The following DLG2 variants were observed in gnomAD, a reference collection of about 807,000 sequenced individuals.
The protein encoded by DLG2 is disks large homolog 2.
A neutral mutation model predicts 132.5 loss-of-function variants in DLG2; 45 were observed. The observed-to-expected ratio is 0.34, with a 90% confidence interval of 0.27 to 0.44. The LOEUF is 0.44. Among genes scored for constraint, DLG2 ranks in the 20% least tolerant of loss-of-function variants. The pLI is 1.00. For missense variants in DLG2, 1,045 were observed against 1,196.9 expected, an observed-to-expected ratio of 0.87 and a Z score of 1.87; for synonymous variants, 424 against 419.6, an observed-to-expected ratio of 1.01 and a Z score of -0.13.
chr11:84,626,686 T>C (rs1386866325), intron 6 of DLG2, among the ~76,000 whole-genome samples: 3 of 152,034 alleles, frequency 2.0e-5, no homozygotes, highest in Admixed American at 1.3e-4. Flanking sequence ...CAAAGTTAGC[T>C]CTGCACTAGC....
chr11:83,908,307 CT>C (rs925494811), intron 15 of DLG2, among the ~76,000 whole-genome samples: 145 of 149,684 alleles, frequency 9.7e-4, no homozygotes, highest in Non-Finnish European at 1.7e-3. Context: ...ATTTCACCTT[CT>C]TTTTTTTTTC....
intron 3 of DLG2, among the ~76,000 whole-genome samples, chr11:85,301,107 A>T (rs2079558977): frequency 6.6e-6 from 1 of 152,044 alleles, no homozygotes; most frequent in African/African-American, 2.4e-5. Context: ...AGGCTAAGGT[A>T]GGAGACTTGC....
chr11:83,522,335 C>CA (rs11401797), intron 21 of DLG2, among the ~76,000 whole-genome samples: 150,343 of 152,198 alleles, frequency 0.99, 74,258 homozygotes, highest in Middle Eastern at 1. Context: ...TGGTGTGTAC[C>CA]AAAAGAAAGT....
chr11:84,650,871 G>GTATATATATATA (rs1398321637), intron 6 of DLG2, among the ~76,000 whole-genome samples: 4 of 124,650 alleles, frequency 3.2e-5, no homozygotes, highest in African/African-American at 1.1e-4. Flanking sequence ...GTGTGTGTGT[G>GTATATATATATA]TGTATATATA....
chr11:84,983,424 A>T (rs11823066), intron 6 of DLG2, among the ~76,000 whole-genome samples: 2,078 of 152,248 alleles, frequency 0.014, 47 homozygotes, highest in African/African-American at 0.046. Context: ...AGGAAGCCAC[A>T]TCCTAGGAAA....
chr11:85,219,571 G>T (rs1174085888), intron 4 of DLG2, among the ~76,000 whole-genome samples: 1 of 151,672 alleles, frequency 6.6e-6, no homozygotes. Flanking sequence ...GCTTCTGGTG[G>T]TTGCTAACAA....
At chr11:84,939,722 G>C (rs1344308207) in intron 6 of DLG2, among the ~76,000 whole-genome samples, 1 of 152,090 alleles carries the variant, frequency 6.6e-6, no homozygotes, top group Non-Finnish European at 1.5e-5. Context: ...ATGTTCTCCA[G>C]TTCTATCCAT....
chr11:83,730,313 T>C (rs1411417430), intron 18 of DLG2, among the ~76,000 whole-genome samples: 1 of 152,148 alleles, frequency 6.6e-6, no homozygotes, highest in African/African-American at 2.4e-5. Context: ...CCTTGTAAAT[T>C]ACTTAACCAT....
intron 6 of DLG2, among the ~76,000 whole-genome samples, chr11:84,650,870 T>C (rs1241380158): frequency 1.2e-5 from 1 of 83,382 alleles, no homozygotes; most frequent in African/African-American, 5.9e-5. Flanking sequence ...TGTGTGTGTG[T>C]GTGTATATAT....
chr11:84,508,230 A>T (rs1201712389), intron 7 of DLG2, among the ~76,000 whole-genome samples: 1 of 152,092 alleles, frequency 6.6e-6, no homozygotes, highest in East Asian at 1.9e-4. Flanking sequence ...TGTCTTCTTC[A>T]TATGCCACAC....
chr11:83,684,402 T>C lies in DLG2; in HGVS notation c.1826-51077A>G, dbSNP rs948694228. 13 of 152,192 alleles carry C rather than the reference T, an allele frequency of 8.5e-5. 1 individual carries two copies. Among genetic ancestry groups the C allele is most frequent in the African/African-American group, 2.2e-4 (9 of 41,464 alleles). 9.4% of individuals were successfully genotyped at this position (152,192 alleles called of 1,614,324 possible). A position where few individuals can be genotyped will look rare whatever the true frequency, so the allele number is the denominator to read the frequency against. ...TCCATGTTTCCAGAGAATAACTCTG[T>C]GGCCAACTTAATTTGCTCACATACA... On this transcript the variant is annotated intron_variant, in intron 18 of 27. Coordinates refer to ENST00000376104, the MANE Select transcript of DLG2 (RefSeq NM_001142699.3).
chr11:84,899,499 C>T (rs919479796), intron 6 of DLG2, among the ~76,000 whole-genome samples: 6 of 152,060 alleles, frequency 3.9e-5, no homozygotes, highest in African/African-American at 1.4e-4. Context: ...ATGTTGGTAA[C>T]ATCCAAAAAC....
intron 14 of DLG2, among the ~76,000 whole-genome samples, chr11:83,949,927 C>T (rs865983495): frequency 6.6e-6 from 1 of 152,126 alleles, no homozygotes; most frequent in South Asian, 2.1e-4. Flanking sequence ...GGATTAATCA[C>T]CATAAGTTTT....
At chr11:83,505,723 A>C (rs1413524849) in intron 21 of DLG2, among the ~76,000 whole-genome samples, 1 of 152,246 alleles carries the variant, frequency 6.6e-6, no homozygotes, top group Non-Finnish European at 1.5e-5. Flanking sequence ...TGCAAAGCGC[A>C]AAACCAGGTG....
In DLG2 at chr11:83,734,402, TCC is replaced by T. The variant is rs1359601679; in HGVS notation, c.1825+52286_1825+52287del. 4.9e-5 allele frequency among the ~76,000 whole-genome samples: 7 copies of T among 143,542 alleles called. 1 individual carries two copies. The highest frequency in any genetic ancestry group is 1.4e-4 in the Admixed American group (2 of 14,272). 94.2% of individuals were successfully genotyped at this position (143,542 alleles called of 152,430 possible). Reference sequence around the variant, plus strand: ...TTCCTTCCTTCCTTCCTTCCTTCCTTCCTTCCCTCCCTCCTTCCCTCCCTCCT... The same window carrying T: ...TTCCTTCCTTCCTTCCTTCCTTCCTTTTCCCTCCCTCCTTCCCTCCCTCCT... On this transcript the variant is annotated intron_variant, in intron 18 of 27. Coordinates refer to ENST00000376104, the MANE Select transcript of DLG2 (RefSeq NM_001142699.3).
chr11:83,700,361 A>T (rs999197855), intron 18 of DLG2, among the ~76,000 whole-genome samples: 2 of 152,144 alleles, frequency 1.3e-5, no homozygotes, highest in Non-Finnish European at 2.9e-5. Flanking sequence ...TGGGGCTTTC[A>T]TTGAGACTTA....
intron 6 of DLG2, among the ~76,000 whole-genome samples, chr11:84,763,570 C>T (rs946757739): frequency 6.6e-6 from 1 of 152,098 alleles, no homozygotes; most frequent in Non-Finnish European, 1.5e-5. Flanking sequence ...GCATCTTCTC[C>T]TAGACACAGT....
At chr11:84,990,385 G>GC (rs1442064410) in intron 6 of DLG2, among the ~76,000 whole-genome samples, 3 of 152,134 alleles carry the variant, frequency 2.0e-5, no homozygotes, top group Admixed American at 6.5e-5. Context: ...TGAGATTAGT[G>GC]CCCCTATAAA....
chr11:84,126,463 T>C (rs564635497), intron 9 of DLG2, among the ~76,000 whole-genome samples: 1 of 152,206 alleles, frequency 6.6e-6, no homozygotes, highest in East Asian at 1.9e-4. Flanking sequence ...CTAACAGAGT[T>C]AACTACTTGT....
Sources: gnomAD v4.1 joint callset for allele counts (sites outside exome capture counted in the v4.1 genomes callset) on GRCh38, gnomAD v4.1.1 for gene constraint, MANE v1.5 for transcripts, NCBI Gene and HGNC (gene_info 2026-07-23, HGNC 2026-07-21) for gene names.